Variants in MED23 observed in about 807,000 individuals in gnomAD.
MED23 encodes mediator complex subunit 23.
A neutral mutation model predicts 163.9 loss-of-function variants in MED23; 105 were observed. The ratio of observed to expected loss-of-function variants is 0.64; its 90% CI spans 0.55 to 0.75. The LOEUF is 0.75. Among genes scored for constraint, MED23 ranks in the 30% least tolerant of loss-of-function variants. MED23 has a pLI of 0.00. For synonymous variants in MED23, 561 were observed against 565.6 expected (o/e 0.99, Z 0.12); for missense variants, 1,054 against 1,649.0 (o/e 0.64, Z 6.25).
chr6:131,579,343 T>C (rs1194568857), intron 30 of MED23: 2 of 1,582,268 alleles, frequency 1.3e-6, no homozygotes, highest in African/African-American at 1.3e-5. Flanking sequence ...ACCAAGGCCA[T>C]AAGAAGAGAG....
In MED23 at chr6:131,610,147, T is replaced by C. The variant is rs1776171095; in HGVS notation, c.976A>G (p.Thr326Ala). 2.5e-6 allele frequency: 4 copies of C among 1,614,066 alleles called. No individual in the cohort carries two copies. Among genetic ancestry groups the C allele is most frequent in the Non-Finnish European group, 3.4e-6 (4 of 1,179,968 alleles). Reference sequence around the variant, plus strand: ...AGATGCTGCCACAGGAGTTGGCTTGTTCCCCCATCGTCAAACTTCTCCTCG... The same window carrying C: ...AGATGCTGCCACAGGAGTTGGCTTGCTCCCCCATCGTCAAACTTCTCCTCG... Reference protein sequence around the residue: ...ETEEKFDDGGTSQLLWQHLSS... With the variant: ...ETEEKFDDGGASQLLWQHLSS... Residue 326 changes from threonine to alanine, a missense_variant, in exon 11 of 29, where the codon ACA becomes GCA. Thr to Ala is a moderately conservative substitution (Grantham distance 58). Around this residue, in one of 11 missense-constraint regions of MED23, gnomAD observed 61 missense variants for 154.2 expected, o/e 0.40. Transcript: ENST00000368068.
intron 5 of MED23, 71 bp downstream of exon 5, chr6:131,623,280 A>C: frequency 8.4e-7 from 1 of 1,193,410 alleles, no homozygotes. Flanking sequence ...TCTCACCTGA[A>C]AATAAGACAT....
chr6:131,581,314 C>A, intron 30 of MED23: 1 of 1,613,910 alleles, frequency 6.2e-7, no homozygotes. Flanking sequence ...ACTCCACTGA[C>A]AACCACAAGT....
downstream of MED23, among the ~76,000 whole-genome samples, chr6:131,585,609 T>A (rs1774149491): frequency 6.6e-6 from 1 of 152,190 alleles, no homozygotes; most frequent in African/African-American, 2.4e-5. Flanking sequence ...CCTAGATAAA[T>A]GTAGCTGCTA....
intron 28 of MED23, among the ~76,000 whole-genome samples, chr6:131,588,901 C>T (rs556671918): frequency 2.6e-5 from 4 of 152,158 alleles, no homozygotes; most frequent in Admixed American, 6.5e-5. Context: ...TGACACAGAA[C>T]GAATCTAATA....
chr6:131,627,567 C>G lies in MED23; in HGVS notation c.71+74G>C, dbSNP rs554447240. On this transcript the variant is annotated intron_variant, in intron 2 of 28. Coordinates refer to ENST00000368068, the MANE Select transcript of MED23 (RefSeq NM_004830.4). ...TCAGAATAGTGGATCTTATAACCTT[C>G]CAACACGAAACTAAGTAAAATCTGA... 5.6e-6 allele frequency: 9 copies of G among 1,593,568 alleles called. No homozygotes were observed. In the East Asian group the frequency reaches 2.0e-4, roughly 36 times the overall value.
At chr6:131,607,192 A>G (rs1158735091) in intron 12 of MED23, among the ~76,000 whole-genome samples, 1 of 151,788 alleles carries the variant, frequency 6.6e-6, no homozygotes, top group African/African-American at 2.4e-5. Context: ...GATGATGGGT[A>G]TAACATGGTG....
chr6:131,620,866 A>G, intron 6 of MED23, 137 bp from the exon 7 acceptor site: 4 of 541,970 alleles, frequency 7.4e-6, no homozygotes, highest in Non-Finnish European at 1.3e-5. Flanking sequence ...GCAGTGGCGT[A>G]ATCATGGCTC....
chr6:131,609,085 T>C (rs1289868828), intron 11 of MED23, among the ~76,000 whole-genome samples: 1 of 152,170 alleles, frequency 6.6e-6, no homozygotes, highest in African/African-American at 2.4e-5. Flanking sequence ...CTTCAGCATC[T>C]TTCACCTAGT....
chr6:131,588,804 A>G (rs1226833646), intron 28 of MED23, among the ~76,000 whole-genome samples: 1 of 152,176 alleles, frequency 6.6e-6, no homozygotes, highest in Non-Finnish European at 1.5e-5. Context: ...TTCTACTTTC[A>G]GACATCCCCA....
chr6:131,615,762 T>C (rs746034486), intron 10 of MED23, 145 bp downstream of exon 10: 6 of 692,326 alleles, frequency 8.7e-6, no homozygotes, highest in East Asian at 5.5e-5. Context: ...ATAGGAATAA[T>C]ACATTGTTTA....
At chr6:131,590,658 T>C (rs1774539328) in intron 26 of MED23, among the ~76,000 whole-genome samples, 1 of 152,348 alleles carries the variant, frequency 6.6e-6, no homozygotes, top group Non-Finnish European at 1.5e-5. Context: ...AGACGGAGTC[T>C]CACACTGTTG....
In MED23 at chr6:131,611,636, C is replaced by T. The variant is rs1299557954; in HGVS notation, c.877-1390G>A. ...CACTAGTTCTGCCAACCACCAACAA[C>T]CTAAGAAATGTGTCAGACAACACAA... On this transcript the variant is annotated intron_variant, in intron 10 of 28. Transcript: ENST00000368068. Among the ~76,000 whole-genome samples, 4 of 152,066 alleles carry T rather than the reference C, an allele frequency of 2.6e-5. 1 individual carries two copies. The highest frequency in any genetic ancestry group is 9.7e-5 in the African/African-American group (4 of 41,420).
chr6:131,590,984 A>AT (rs72014572), intron 26 of MED23, among the ~76,000 whole-genome samples: 322 of 130,772 alleles, frequency 2.5e-3, no homozygotes, highest in Middle Eastern at 5.2e-3. Context: ...ATGAAATACA[A>AT]TTTTTTTTTT....
downstream of MED23, among the ~76,000 whole-genome samples, chr6:131,582,070 A>G (rs1463240282): frequency 6.6e-6 from 1 of 152,196 alleles, no homozygotes; most frequent in Non-Finnish European, 1.5e-5. Context: ...GGTCCTTATG[A>G]TGATACAAGA....
chr6:131,595,448 T>G (rs1774975719), intron 22 of MED23, among the ~76,000 whole-genome samples: 1 of 152,254 alleles, frequency 6.6e-6, no homozygotes, highest in Non-Finnish European at 1.5e-5. Context: ...TAACTTCCAG[T>G]TGATTATTAT....
At chr6:131,575,785 C>A (rs1773584730) in intron 30 of MED23, among the ~76,000 whole-genome samples, 1 of 152,164 alleles carries the variant, frequency 6.6e-6, no homozygotes, top group Non-Finnish European at 1.5e-5. Flanking sequence ...GGAAGACTTG[C>A]CCCTTGGAGG....
At chr6:131,581,123 C>A in intron 30 of MED23, 3 of 1,272,178 alleles carry the variant, frequency 2.4e-6, no homozygotes, top group Non-Finnish European at 3.4e-6. Context: ...GACACTGTGA[C>A]TCAAAGGAAA....
chr6:131,591,592 A>C, intron 25 of MED23, 65 bp from the exon 26 acceptor site: 1 of 1,189,734 alleles, frequency 8.4e-7, no homozygotes, highest in Non-Finnish European at 1.2e-6. Flanking sequence ...CAAAGTCTAA[A>C]GTAATAGTGT....
Sources: gnomAD v4.1 joint callset for allele counts (sites outside exome capture counted in the v4.1 genomes callset) on GRCh38, gnomAD v4.1.1 for gene constraint, gnomAD v4.1.1 regional missense constraint, MANE v1.5 for transcripts, NCBI Gene and HGNC (gene_info 2026-07-23, HGNC 2026-07-21) for gene names.